ILRUN: variants seen among roughly 807,000 people sequenced by gnomAD.
ILRUN encodes the protein protein ILRUN.
ILRUN carries 3 observed loss-of-function variants against 33.8 expected under a neutral mutation model. The ratio of observed to expected loss-of-function variants is 0.09; its 90% CI spans 0.04 to 0.23. The LOEUF (loss-of-function observed/expected upper bound fraction) is 0.23, where lower values mean the gene tolerates loss of function less well. Among genes scored for constraint, ILRUN ranks in the 10% least tolerant of loss-of-function variants. The probability of loss-of-function intolerance (pLI) is 1.00; values close to 1 mark genes in which losing one functional copy is unlikely to be tolerated. For missense variants in ILRUN, 210 were observed against 375.1 expected (o/e 0.56, Z 3.64); for synonymous variants, 124 against 138.9 (o/e 0.89, Z 0.75).
chr6:34,643,265 C>T lies in ILRUN; in HGVS notation c.511+3336G>A, dbSNP rs1762507729. On this transcript the variant is annotated intron_variant, in intron 3 of 4. Transcript: ENST00000374023. ...AGTGAGCCAAGATCATGTCACTGTA[C>T]TCCAGCCTGGGCGACAAGAGCAAGG... 1.3e-5 allele frequency among the ~76,000 whole-genome samples: 2 copies of T among 151,376 alleles called. 1 individual carries two copies. The highest frequency in any genetic ancestry group is 2.9e-5 in the Non-Finnish European group (2 of 67,920).
chr6:34,602,227 G>A (rs952724246), intron 4 of ILRUN, among the ~76,000 whole-genome samples: 28 of 152,112 alleles, frequency 1.8e-4, no homozygotes, highest in African/African-American at 6.5e-4. Context: ...CTCCTTTAGT[G>A]AAAGAAAGCA....
chr6:34,608,401 T>A (rs946229998), intron 3 of ILRUN, among the ~76,000 whole-genome samples: 3 of 151,442 alleles, frequency 2.0e-5, no homozygotes, highest in African/African-American at 7.3e-5. Flanking sequence ...ATTAAAAAAT[T>A]AAAAAAAATA....
chr6:34,670,599 C>T (rs1763096319), intron 1 of ILRUN, among the ~76,000 whole-genome samples: 1 of 151,760 alleles, frequency 6.6e-6, no homozygotes, highest in Non-Finnish European at 1.5e-5. Flanking sequence ...AAATGTAATC[C>T]CAGCACTTTG....
intron 3 of ILRUN, among the ~76,000 whole-genome samples, chr6:34,637,864 C>CTGTTGTTGTTGTTGTTGTTGTTGT: frequency 7.0e-6 from 1 of 142,020 alleles, no homozygotes; most frequent in Middle Eastern, 3.5e-3. Context: ...GCTGCTGCTG[C>CTGTTGTTGTTGTTGTTGTTGTTGT]TGTTGTTGTT....
At chr6:34,668,232 C>A (rs1339946391) in intron 1 of ILRUN, among the ~76,000 whole-genome samples, 1 of 152,176 alleles carries the variant, frequency 6.6e-6, no homozygotes, top group Non-Finnish European at 1.5e-5. Flanking sequence ...CTACATATAA[C>A]CTTACCATAC....
chr6:34,636,898 C>G (rs1168361046), intron 3 of ILRUN, among the ~76,000 whole-genome samples: 1 of 152,188 alleles, frequency 6.6e-6, no homozygotes, highest in Non-Finnish European at 1.5e-5. Flanking sequence ...TTAAGAATTT[C>G]TTACCTGAAA....
chr6:34,678,836 C>CAAAAAAAA (rs767799882), intron 1 of ILRUN, among the ~76,000 whole-genome samples: 162 of 47,240 alleles, frequency 3.4e-3, no homozygotes, highest in Non-Finnish European at 4.7e-3. Context: ...GACTCCGTCT[C>CAAAAAAAA]AAAAAAAAAA....
At chr6:34,676,998 T>TAAAA (rs3044899) in intron 1 of ILRUN, among the ~76,000 whole-genome samples, 1 of 131,230 alleles carries the variant, frequency 7.6e-6, no homozygotes, top group Non-Finnish European at 1.7e-5. Context: ...ATGTCACAAT[T>TAAAA]AAAAAAAAAA....
At chr6:34,624,448 C>T (rs1762073855) in intron 3 of ILRUN, among the ~76,000 whole-genome samples, 2 of 152,104 alleles carry the variant, frequency 1.3e-5, no homozygotes, top group Admixed American at 1.3e-4. Flanking sequence ...CTTAGCCTCC[C>T]AAGTAGCTGG....
rs1335769507 is a variant in ILRUN at position 34,646,015 on chromosome 6, G to C, written c.511+586C>G. ...CCAAATGATCATTAAAAGGTCAGCT[G>C]GTATGAAGACTGTAATGAGGCTACT... On this transcript the variant is annotated intron_variant, in intron 3 of 4. Coordinates refer to ENST00000374023, the MANE Select transcript of ILRUN (RefSeq NM_024294.4). This position sits in a 1 kb window ranked among gnomAD's most constrained non-coding sequence, Gnocchi z 4.9. Among the ~76,000 whole-genome samples the C allele has an allele frequency of 6.6e-6, 1 of 152,144 alleles. No individual in the cohort carries two copies. The highest frequency in any genetic ancestry group is 1.5e-5 in the Non-Finnish European group (1 of 68,030).
intron 1 of ILRUN, among the ~76,000 whole-genome samples, chr6:34,684,294 CCT>C (rs1763469755): frequency 6.6e-6 from 1 of 152,246 alleles, no homozygotes; most frequent in South Asian, 2.1e-4. Context: ...GTTTGCAACC[CCT>C]GTTTAAACTA....
chr6:34,606,975 A>C, intron 3 of ILRUN, 71 bp from the exon 4 acceptor site: 1 of 1,133,536 alleles, frequency 8.8e-7, no homozygotes, highest in African/African-American at 1.6e-5. Flanking sequence ...ACCACCAAAA[A>C]CCCCAAACAT....
chr6:34,687,464 A>G (rs1187305620), intron 1 of ILRUN, among the ~76,000 whole-genome samples: 2 of 151,878 alleles, frequency 1.3e-5, no homozygotes, highest in East Asian at 3.9e-4. Context: ...GGGAGGCCAA[A>G]GCAGGCAGGT....
chr6:34,688,273 C>T (rs1763569609), intron 1 of ILRUN, among the ~76,000 whole-genome samples: 2 of 151,852 alleles, frequency 1.3e-5, no homozygotes, highest in African/African-American at 2.4e-5. Context: ...GGCATGGTGG[C>T]TCATGCCTAT....
chr6:34,648,144 T>A (rs1762595533), intron 2 of ILRUN, among the ~76,000 whole-genome samples: 1 of 152,244 alleles, frequency 6.6e-6, no homozygotes, highest in Non-Finnish European at 1.5e-5. Context: ...TATGCAGCAA[T>A]TGATATACTC....
At chr6:34,658,542 C>T (rs1179219673) in intron 1 of ILRUN, among the ~76,000 whole-genome samples, 1 of 145,782 alleles carries the variant, frequency 6.9e-6, no homozygotes, top group Non-Finnish European at 1.5e-5. Flanking sequence ...CACAGTGGCT[C>T]ACACCCATAA....
chr6:34,649,890 C>T (rs980906275), intron 2 of ILRUN, among the ~76,000 whole-genome samples: 1 of 152,142 alleles, frequency 6.6e-6, no homozygotes, highest in African/African-American at 2.4e-5. Flanking sequence ...TAGAATCATA[C>T]TGAAGAGAAA....
At chr6:34,676,253 G>T (rs549745699) in intron 1 of ILRUN, among the ~76,000 whole-genome samples, 1 of 151,456 alleles carries the variant, frequency 6.6e-6, no homozygotes, top group Admixed American at 6.6e-5. Flanking sequence ...AAAAAAAAAT[G>T]CTGGGCATGG....
intron 1 of ILRUN, among the ~76,000 whole-genome samples, chr6:34,662,804 T>C (rs929540595): frequency 6.6e-6 from 1 of 152,210 alleles, no homozygotes; most frequent in Non-Finnish European, 1.5e-5. Context: ...GGGCCAGGCA[T>C]GGTGGCTCAC....
Sources: allele counts gnomAD v4.1 joint callset (sites outside exome capture counted in the v4.1 genomes callset), GRCh38; gene constraint gnomAD v4.1.1; non-coding constraint Gnocchi (gnomAD v3.1); transcripts MANE v1.5; gene names NCBI Gene and HGNC (gene_info 2026-07-23, HGNC 2026-07-21).